LTBP2: variants seen among roughly 807,000 people sequenced by gnomAD.
The protein encoded by LTBP2 is latent-transforming growth factor beta-binding protein 2.
Under a neutral mutation model 210.6 loss-of-function variants are expected in LTBP2, and 103 were observed. The ratio of observed to expected loss-of-function variants is 0.49; its 90% CI spans 0.42 to 0.58. The LOEUF (loss-of-function observed/expected upper bound fraction) is 0.58. Among genes scored for constraint, LTBP2 ranks in the 20% least tolerant of loss-of-function variants. LTBP2 has a pLI of 0.00. For missense variants in LTBP2, 2,313 were observed against 2,494.5 expected (o/e 0.93, Z 1.55); for synonymous variants, 1,007 against 1,015.0 (o/e 0.99, Z 0.15).
rs2087844145 is a variant in LTBP2, at chr14:74,564,125, T to TTATATATATATTTA, written c.831-8446_831-8433dup. Among the ~76,000 whole-genome samples the TTATATATATATTTA allele has an allele frequency of 1.9e-4, 3 of 16,158 alleles. 1 individual carries two copies. The highest frequency in any genetic ancestry group is 7.4e-4 in the African/African-American group (3 of 4,062). The allele number at this position is 16,158 out of a possible 152,430, so 10.6% of individuals were successfully genotyped here. On this transcript the variant is annotated intron_variant, in intron 3 of 35. Coordinates refer to ENST00000261978, the MANE Select transcript of LTBP2 (RefSeq NM_000428.3). ...TATATATATATTTATATATATATAT[T>TTATATATATATTTA]TATATATATATTTATATATATATAT... is the stretch of plus-strand genomic sequence containing the variant.
chr14:74,566,599 A>G (rs767028815), intron 3 of LTBP2, among the ~76,000 whole-genome samples: 1 of 152,044 alleles, frequency 6.6e-6, no homozygotes, highest in Non-Finnish European at 1.5e-5. Flanking sequence ...ACCCCTGGGG[A>G]CCTAAGATAG....
chr14:74,508,584 T>C lies in LTBP2; in HGVS notation c.3652+20A>G, dbSNP rs747379793. The C allele has an allele frequency of 1.3e-6, 2 of 1,599,648 alleles. No homozygotes were observed. Among genetic ancestry groups the C allele is most frequent in the Non-Finnish European group, 8.5e-7 (1 of 1,178,582 alleles). On this transcript the variant is annotated intron_variant, in intron 24 of 35. Transcript: ENST00000261978. ...TTCCCATGCTCCTGGCCAGTAGAGG[T>C]AGCTGTGCTGGCTTCTCACCCTGGC...
At position 74,554,459 on chromosome 14, in the gene LTBP2, A is replaced by G. The variant is rs75069872; in HGVS notation, c.1021+1044T>C. Among the ~76,000 whole-genome samples the G allele has an allele frequency of 7.8e-3, 1,185 of 152,234 alleles. 14 individuals are homozygous for G. Among genetic ancestry groups the G allele is most frequent in the Non-Finnish European group, 0.012 (834 of 68,012 alleles). On this transcript the variant is annotated intron_variant, in intron 4 of 35. Coordinates refer to ENST00000261978, the MANE Select transcript of LTBP2 (RefSeq NM_000428.3). ...GATTATAGTGAGTTGTTATCATGCC[A>G]CCACACTCCAGCCTGGGCAACAGAG...
chr14:74,503,230 G>A lies in LTBP2; in HGVS notation c.4877C>T (p.Pro1626Leu), dbSNP rs141230498. 3.2e-5 allele frequency: 52 copies of A among 1,613,834 alleles called. 1 individual carries two copies. The highest frequency in any genetic ancestry group is 3.3e-4 in the Middle Eastern group (2 of 6,080). ...TTGCTCCCCCTCACCAGAGCTCCTC[G>A]GGGGACACAGAGCACACTGCTGGCT... ...AWSQQCALCP[P>L]RSSEVYAQLC... Residue 1626 changes from proline (P) to leucine (L), a missense_variant, in exon 33 of 36, where the codon CCG (proline) becomes CTG (leucine). By Grantham distance (98) the Pro-to-Leu change is moderately conservative. Coordinates refer to ENST00000261978, the MANE Select transcript of LTBP2 (RefSeq NM_000428.3).
chr14:74,525,219 G>A lies in LTBP2; in HGVS notation c.2435C>T (p.Ala812Val). ...CTGTTCAGGCATTGGTGGGGTTGTG[G>A]CATTCCCTGTGGAGGAGAGAGGGGA... ...THAPAWVTGN[A>V]TTPPMPEQGI... is the part of the protein sequence containing the mutation. The change falls in exon 15 of 36, where the codon GCC (alanine) becomes GTC (valine). Residue 812 changes from alanine to valine, a missense_variant. Transcript: ENST00000261978. 1.5e-6 allele frequency: 2 copies of A among 1,326,116 alleles called. No homozygotes were observed. Among genetic ancestry groups the A allele is most frequent in the Admixed American group, 3.0e-5 (1 of 33,448 alleles). 82.1% of individuals were successfully genotyped at this position (1,326,116 alleles called of 1,614,324 possible). A position where few individuals can be genotyped will look rare whatever the true frequency, so the allele number is the denominator to read the frequency against.
chr14:74,586,141 G>T lies in LTBP2; in HGVS notation c.566-23C>A. On this transcript the variant is annotated intron_variant, in intron 2 of 35. Transcript: ENST00000261978. The surrounding 1 kb of genome is among the most constrained non-coding windows in gnomAD (Gnocchi z 4.6). ...CGGCTGAGGACACAGGGAGAGAGGTGACAGCAGTGGCCATAGGGCACTGAG... is the reference window on the plus strand; with the variant it reads ...CGGCTGAGGACACAGGGAGAGAGGTTACAGCAGTGGCCATAGGGCACTGAG... The T allele has an allele frequency of 6.3e-7, 1 of 1,582,640 alleles. No individual in the cohort carries two copies.
intron 10 of LTBP2, 145 bp from the exon 11 acceptor site, chr14:74,529,267 G>A (rs965997998): frequency 5.2e-6 from 5 of 952,778 alleles, no homozygotes; most frequent in African/African-American, 1.6e-5. Context: ...TTGGAGCCCT[G>A]CAAATGCTCA....
intron 19 of LTBP2, 97 bp downstream of exon 19, chr14:74,511,148 C>T: frequency 1.3e-6 from 2 of 1,591,344 alleles, no homozygotes; most frequent in African/African-American, 1.3e-5. Context: ...CTCCAAGCCA[C>T]CTCCCTCTGC....
At position 74,535,980 on chromosome 14, in the gene LTBP2, C is replaced by A. The variant is rs368193784; in HGVS notation, c.1810G>T (p.Gly604Cys). The change falls in exon 9 of 36, where the codon GGC becomes TGC. Residue 604 changes from glycine (G) to cysteine (C), a missense_variant. Transcript: ENST00000261978. ...TACCCCTGAGGACACTCCAGCTGGC[C>A]ATTCTCAATCACCGGGGAGGCTGAA... is the stretch of plus-strand genomic sequence containing the variant. ...PRPASPVIEN[G>C]QLECPQGYKR... The A allele has an allele frequency of 6.2e-7, 1 of 1,614,170 alleles. No individual in the cohort carries two copies. The highest frequency in any genetic ancestry group is 8.5e-7 in the Non-Finnish European group (1 of 1,180,024).
intron 1 of LTBP2, among the ~76,000 whole-genome samples, chr14:74,606,705 G>A (rs1456329192): frequency 6.6e-6 from 1 of 152,146 alleles, no homozygotes; most frequent in African/African-American, 2.4e-5. Context: ...TGGGCATGGT[G>A]GTAAGCACCT....
In LTBP2 at chr14:74,507,162, C is replaced by T. The variant is rs755024460; in HGVS notation, c.3907+17G>A. On this transcript the variant is annotated intron_variant, in intron 26 of 35. Coordinates refer to ENST00000261978, the MANE Select transcript of LTBP2 (RefSeq NM_000428.3). ...TTTCTCAGCCCTCTCTCCTCTCTCT[C>T]CTCCCTCCCTACTCACCAATGCAGT... 6.2e-7 allele frequency: 1 copy of T among 1,614,138 alleles called. No homozygotes were observed. The highest frequency in any genetic ancestry group is 8.5e-7 in the Non-Finnish European group (1 of 1,180,000).
chr14:74,585,477 C>G (rs1392273017), intron 3 of LTBP2, among the ~76,000 whole-genome samples: 2 of 152,206 alleles, frequency 1.3e-5, no homozygotes, highest in Non-Finnish European at 2.9e-5. Flanking sequence ...CTTACTGATG[C>G]AGAATCCGAG....
intron 1 of LTBP2, among the ~76,000 whole-genome samples, chr14:74,610,407 C>A (rs1056981621): frequency 2.0e-5 from 3 of 152,224 alleles, no homozygotes; most frequent in Non-Finnish European, 4.4e-5. Context: ...GCCAAGGCTG[C>A]GAAGTGCAAG....
Position 74,503,612 on chromosome 14 carries a change from G to C in LTBP2, c.4583-6C>G. On this transcript the variant is annotated splice_polypyrimidine_tract_variant and splice_region_variant and intron_variant, in intron 31 of 35. Coordinates refer to ENST00000261978, the MANE Select transcript of LTBP2 (RefSeq NM_000428.3). Reference sequence around the variant, plus strand: ...GTCCTGGCACTCATCGTGATCTGGGGAGGCAGGAAAGGGTGGGGCATTGCC... The same window carrying C: ...GTCCTGGCACTCATCGTGATCTGGGCAGGCAGGAAAGGGTGGGGCATTGCC... 1 of 1,613,448 alleles carries C rather than the reference G, an allele frequency of 6.2e-7. No homozygotes were observed. Among genetic ancestry groups the C allele is most frequent in the African/African-American group, 1.3e-5 (1 of 75,068 alleles).
At chr14:74,574,459 C>T (rs1338518056) in intron 3 of LTBP2, among the ~76,000 whole-genome samples, 1 of 152,202 alleles carries the variant, frequency 6.6e-6, no homozygotes, top group East Asian at 1.9e-4. Context: ...ATTTGTACAA[C>T]ATCCATGTCC....
Position 74,502,781 on chromosome 14 carries a change from C to T in LTBP2, c.5042G>A (p.Gly1681Asp), listed in dbSNP as rs377006266. Residue 1681 changes from glycine to aspartate, a missense_variant, in exon 34 of 36, where the codon GGC (glycine) becomes GAC (aspartate). Around this residue, in one of 3 missense-constraint regions of LTBP2, gnomAD observed 443 missense variants for 501.4 expected, o/e 0.88. Coordinates refer to ENST00000261978, the MANE Select transcript of LTBP2 (RefSeq NM_000428.3). The part of the protein sequence containing the change: ...PDGAPFYNYL[G>D]PEDTVPEPAF... ...AGGCTCAGGGACGGTGTCCTCGGGG[C>T]CCAGGTAGTTGTAGAAGGGGGCCCC... 1.7e-5 allele frequency: 28 copies of T among 1,613,938 alleles called. No homozygotes were observed. Among genetic ancestry groups the T allele is most frequent in the Non-Finnish European group, 2.3e-5 (27 of 1,179,986 alleles).
In LTBP2 at chr14:74,501,563, T is replaced by A; in HGVS notation, c.5198A>T (p.Gln1733Leu). Residue 1733 changes from glutamine (Q) to leucine (L), a missense_variant, in exon 35 of 36, where the codon CAG (glutamine) becomes CTG (leucine). By Grantham distance (113) the Gln-to-Leu change is moderately radical. Transcript: ENST00000261978. ...GTTCAGGATGCCGCACTCCTCCGCC[T>A]GAAGCCCTTCGAAGCCGGCTGGGGG... ...PEPPAGFEGL[Q>L]AEECGILNGC... 6.2e-7 allele frequency: 1 copy of A among 1,614,130 alleles called. No homozygotes were observed. Among genetic ancestry groups the A allele is most frequent in the Non-Finnish European group, 8.5e-7 (1 of 1,180,034 alleles).
intron 18 of LTBP2, among the ~76,000 whole-genome samples, chr14:74,512,945 G>A (rs192851041): frequency 5.1e-4 from 77 of 150,344 alleles, no homozygotes; most frequent in African/African-American, 1.7e-3. Context: ...GGTACTTGAA[G>A]GAGGATGGGC....
chr14:74,565,956 TAAAC>T (rs905764723), intron 3 of LTBP2, among the ~76,000 whole-genome samples: 94 of 152,176 alleles, frequency 6.2e-4, no homozygotes, highest in African/African-American at 2.1e-3. Flanking sequence ...AGCACACGAT[TAAAC>T]AAACGAACAA....
Sources: allele counts gnomAD v4.1 joint callset (sites outside exome capture counted in the v4.1 genomes callset), GRCh38; gene constraint gnomAD v4.1.1; regional missense constraint gnomAD v4.1.1; non-coding constraint Gnocchi (gnomAD v3.1); transcripts MANE v1.5; gene names NCBI Gene and HGNC (gene_info 2026-07-23, HGNC 2026-07-21).